Variants in TTC34 observed in about 807,000 individuals in gnomAD.
TTC34 encodes the protein tetratricopeptide repeat domain 34, also known as tetratricopeptide repeat protein 34.
A neutral mutation model predicts 40.7 loss-of-function variants in TTC34; 44 were observed. That is an observed-to-expected ratio of 1.08 (90% CI 0.85 to 1.39). The LOEUF (loss-of-function observed/expected upper bound fraction) is 1.39, where lower values mean the gene tolerates loss of function less well. Ranked by LOEUF, TTC34 falls within the 40% of genes most tolerant of loss-of-function variation. TTC34 has a pLI of 0.00. For synonymous variants in TTC34, 422 were observed against 398.6 expected (o/e 1.06, Z -0.70); for missense variants, 884 against 838.0 (o/e 1.05, Z -0.68).
At position 2,748,766 on chromosome 1, in the gene TTC34, G is replaced by A. The variant is rs1359175823; in HGVS notation, c.2226+34843C>T. Among the ~76,000 whole-genome samples the A allele has an allele frequency of 2.7e-4, 36 of 132,476 alleles. 3 individuals carry two copies. The highest frequency in any genetic ancestry group is 2.0e-3 in the Admixed American group (27 of 13,240). The allele number at this position is 132,476 out of a possible 152,430, so 86.9% of individuals were successfully genotyped here. ...GACTGGAACAGCACCCACACCCCTA[G>A]GAGAGCATCCGGCAGCCTGGAGCGG... On this transcript the variant is annotated intron_variant, in intron 6 of 8. Coordinates refer to ENST00000401095, the Ensembl canonical transcript of TTC34.
chr1:2,788,288 G>T (rs1464775008), intron 3 of TTC34, among the ~76,000 whole-genome samples: 1 of 150,880 alleles, frequency 6.6e-6, no homozygotes, highest in East Asian at 1.9e-4. Context: ...CATGTTGTGT[G>T]TTGTGTGTGT....
At chr1:2,757,668 C>A (rs1187824391) in intron 6 of TTC34, among the ~76,000 whole-genome samples, 2 of 141,932 alleles carry the variant, frequency 1.4e-5, no homozygotes, top group African/African-American at 5.5e-5. Flanking sequence ...GCAGGACCCA[C>A]ACCCCTAGGT....
intron 6 of TTC34, among the ~76,000 whole-genome samples, chr1:2,698,614 A>G (rs1166965960): frequency 1.2e-3 from 18 of 14,402 alleles, no homozygotes; most frequent in East Asian, 2.8e-3. Flanking sequence ...ACACTCCCAG[A>G]CGAGCATCGG....
chr1:2,687,207 C>T (rs1399012156), intron 6 of TTC34, among the ~76,000 whole-genome samples: 2 of 142,540 alleles, frequency 1.4e-5, no homozygotes, highest in East Asian at 2.0e-4. Flanking sequence ...ACCCACACCT[C>T]CCGGCGAGCA....
chr1:2,757,635 AG>A (rs1641550215), intron 6 of TTC34, among the ~76,000 whole-genome samples: 1 of 131,830 alleles, frequency 7.6e-6, no homozygotes, highest in Admixed American at 7.2e-5. Flanking sequence ...CCACACCCCC[AG>A]GTGAGCATCC....
exon 4 of TTC34, chr1:2,787,482 T>C (rs1643605376): frequency 2.0e-6 from 3 of 1,479,044 alleles, no homozygotes; most frequent in East Asian, 5.0e-5. Context: ...CCTCCTCACC[T>C]GGTTGGCGTC....
intron 6 of TTC34, among the ~76,000 whole-genome samples, chr1:2,650,265 G>A (rs1639102340): frequency 6.6e-6 from 1 of 150,900 alleles, no homozygotes; most frequent in South Asian, 2.1e-4. Flanking sequence ...ATCCCCAGGT[G>A]AGCTTCTGAC....
intron 6 of TTC34, among the ~76,000 whole-genome samples, chr1:2,688,685 C>G (rs61765692): frequency 5.3e-5 from 7 of 132,842 alleles, no homozygotes; most frequent in South Asian, 2.3e-4. Flanking sequence ...GGAACAGCAC[C>G]CTGCACCCCC....
At chr1:2,753,288 C>A (rs1641387476) in intron 6 of TTC34, among the ~76,000 whole-genome samples, 245 of 89,550 alleles carry the variant, frequency 2.7e-3, no homozygotes, top group South Asian at 5.6e-3. Context: ...TGGAACAGCA[C>A]CCTGCACACC....
intron 6 of TTC34, among the ~76,000 whole-genome samples, chr1:2,687,166 C>G (rs1326390595): frequency 6.8e-6 from 1 of 146,016 alleles, no homozygotes; most frequent in South Asian, 2.1e-4. Context: ...TACCCACACA[C>G]ACAGGCGAGC....
At chr1:2,641,564 A>G (rs1375344896) in exon 9 of TTC34, 4 of 1,533,232 alleles carry the variant, frequency 2.6e-6, no homozygotes, top group Non-Finnish European at 3.5e-6. Flanking sequence ...CTGCCTGCAC[A>G]GGCTGTTCTG....
intron 6 of TTC34, among the ~76,000 whole-genome samples, chr1:2,779,805 G>A (rs904578884): frequency 6.6e-6 from 1 of 152,128 alleles, no homozygotes; most frequent in African/African-American, 2.4e-5. Flanking sequence ...ATATCTCGTT[G>A]TTTTGATTTG....
intron 6 of TTC34, among the ~76,000 whole-genome samples, chr1:2,693,308 C>A (rs1157427971): frequency 1.5e-5 from 2 of 131,918 alleles, no homozygotes; most frequent in Middle Eastern, 3.8e-3. Context: ...ACCCCCATGC[C>A]CAGGTGAGCC....
chr1:2,644,528 G>A (rs767299823), intron 7 of TTC34, 50 bp from the exon 8 acceptor site: 15 of 1,496,506 alleles, frequency 1.0e-5, no homozygotes, highest in South Asian at 2.5e-5. Context: ...GGGCAGAGGT[G>A]CGAGAGAGCT....
chr1:2,749,785 G>C (rs1215015906), intron 6 of TTC34, among the ~76,000 whole-genome samples: 1 of 32,454 alleles, frequency 3.1e-5, no homozygotes, highest in Non-Finnish European at 6.2e-5. Flanking sequence ...GCATCTGACA[G>C]CATGTATCAG....
intron 6 of TTC34, among the ~76,000 whole-genome samples, chr1:2,777,633 C>A (rs1643293930): frequency 6.6e-6 from 1 of 150,850 alleles, no homozygotes; most frequent in Admixed American, 6.7e-5. Context: ...TGAGTCAGAG[C>A]TCACAGCCTT....
chr1:2,756,830 G>GAC (rs1641523200), intron 6 of TTC34, among the ~76,000 whole-genome samples: 4 of 104,334 alleles, frequency 3.8e-5, no homozygotes, highest in East Asian at 3.2e-4. Flanking sequence ...CCCACACCCC[G>GAC]AGGCGAGCAT....
chr1:2,657,182 C>G, intron 6 of TTC34, among the ~76,000 whole-genome samples: 1 of 5,634 alleles, frequency 1.8e-4, no homozygotes, highest in African/African-American at 3.5e-4. Flanking sequence ...CACCCACACC[C>G]CCAGTTGAGC....
intron 6 of TTC34, among the ~76,000 whole-genome samples, chr1:2,781,161 G>A (rs992490943): frequency 6.6e-6 from 1 of 152,128 alleles, no homozygotes; most frequent in African/African-American, 2.4e-5. Context: ...TTCTTGGGAT[G>A]TGCAACCCTC....
Sources: allele counts gnomAD v4.1 joint callset (sites outside exome capture counted in the v4.1 genomes callset), GRCh38; gene constraint gnomAD v4.1.1; transcripts MANE v1.5; gene names NCBI Gene and HGNC (gene_info 2026-07-23, HGNC 2026-07-21).